P4HA2: variants seen among roughly 807,000 people sequenced by gnomAD.
P4HA2 encodes the protein prolyl 4-hydroxylase subunit alpha 2.
P4HA2 carries 46 observed loss-of-function variants against 76.9 expected under a neutral mutation model. The observed-to-expected ratio is 0.60, with a 90% confidence interval of 0.47 to 0.76. P4HA2 has a LOEUF of 0.76. Among genes scored for constraint, P4HA2 ranks in the 30% least tolerant of loss-of-function variants. The probability of loss-of-function intolerance (pLI) is 0.00; values close to 1 mark genes in which losing one functional copy is unlikely to be tolerated. For synonymous variants in P4HA2, 243 were observed against 254.0 expected, an observed-to-expected ratio of 0.96 and a Z score of 0.41; for missense variants, 583 against 669.4, an observed-to-expected ratio of 0.87 and a Z score of 1.42.
At chr5:132,214,942 G>C (rs899044957) in intron 4 of P4HA2, among the ~76,000 whole-genome samples, 1 of 152,184 alleles carries the variant, frequency 6.6e-6, no homozygotes, top group South Asian at 2.1e-4. Flanking sequence ...TCCCAGGTGG[G>C]AGCCAAGCCT....
At chr5:132,196,576 T>G (rs1324060963) in intron 12 of P4HA2, among the ~76,000 whole-genome samples, 1 of 152,166 alleles carries the variant, frequency 6.6e-6, no homozygotes, top group Non-Finnish European at 1.5e-5. Context: ...TCTCTGATGT[T>G]TAGGCTGGGC....
chr5:132,203,793 C>T lies in P4HA2; in HGVS notation c.1206G>A (p.Met402Ile). The T allele has an allele frequency of 6.2e-7, 1 of 1,613,730 alleles. No individual in the cohort carries two copies. Among genetic ancestry groups the T allele is most frequent in the East Asian group, 2.2e-5 (1 of 44,880 alleles). The change falls in exon 10 of 15, where the codon ATG becomes ATA. Residue 402 changes from methionine to isoleucine, a missense_variant. By Grantham distance (10) the Met-to-Ile change is conservative (BLOSUM62 1). Coordinates refer to ENST00000360568, the MANE Select transcript of P4HA2 (RefSeq NM_001017974.2). ...DPVVARVNRR[M>I]QHITGLTVKT... ...TTACTGTTAACCCTGTGATATGCTG[C>T]ATCCGACGATTTACTCGGGCCACAA...
At chr5:132,211,079 CAG>C in intron 5 of P4HA2, among the ~76,000 whole-genome samples, 1 of 152,246 alleles carries the variant, frequency 6.6e-6, no homozygotes, top group Non-Finnish European at 1.5e-5. Context: ...ATAGGAGAAA[CAG>C]AGGGAGCGGG....
chr5:132,215,221 A>C (rs958176618), intron 4 of P4HA2, among the ~76,000 whole-genome samples: 2 of 152,256 alleles, frequency 1.3e-5, no homozygotes, highest in African/African-American at 4.8e-5. Context: ...TGCTGCCAGG[A>C]AAAGCCACAC....
intron 11 of P4HA2, 117 bp from the exon 12 acceptor site, chr5:132,198,497 G>A: frequency 1.0e-6 from 1 of 959,838 alleles, no homozygotes; most frequent in Non-Finnish European, 1.6e-6. Flanking sequence ...AATCAGCCTG[G>A]AATATGTGCC....
intron 8 of P4HA2, 85 bp from the exon 9 acceptor site, chr5:132,204,237 G>T: frequency 9.5e-7 from 1 of 1,055,700 alleles, no homozygotes; most frequent in Non-Finnish European, 1.5e-6. Context: ...ACTGGGACCA[G>T]ATTTACTGCC....
chr5:132,218,297 A>G (rs1231018246), intron 2 of P4HA2, among the ~76,000 whole-genome samples: 1 of 152,222 alleles, frequency 6.6e-6, no homozygotes, highest in East Asian at 1.9e-4. Context: ...CAAAAAGACC[A>G]GAGAGCCCAA....
rs1323709916 is a variant in P4HA2, at chr5:132,194,979, CCTTCCCCG to C, written c.1470_1477del (p.Ser490ArgfsTer2). ...GGCAGCATGTCTTGTTCGGTAGTCA[CCTTCCCCG>C]CTCCGCAAGAGGTTGTACCAGAACA... On this transcript the variant is annotated frameshift_variant, in exon 14 of 15. Coordinates refer to ENST00000360568, the MANE Select transcript of P4HA2 (RefSeq NM_001017974.2). LOFTEE classifies it high-confidence loss of function. The C allele has an allele frequency of 6.2e-7, 1 of 1,613,772 alleles. No individual in the cohort carries two copies. Among genetic ancestry groups the C allele is most frequent in the African/African-American group, 1.3e-5 (1 of 74,902 alleles).
chr5:132,216,433 G>C (rs1192304384), intron 4 of P4HA2, among the ~76,000 whole-genome samples: 7 of 152,120 alleles, frequency 4.6e-5, no homozygotes. Context: ...AAAAGGTGCT[G>C]ATAATTCAGA....
Position 132,207,828 on chromosome 5 carries a change from T to C in P4HA2, c.960A>G (p.Pro320=). 1.2e-6 allele frequency: 2 copies of C among 1,609,366 alleles called. No individual in the cohort carries two copies. Among genetic ancestry groups the C allele is most frequent in the Non-Finnish European group, 1.7e-6 (2 of 1,177,782 alleles). Residue 320 remains proline (P), a synonymous_variant, in exon 8 of 15, where the codon CCA becomes CCG. Coordinates refer to ENST00000360568, the MANE Select transcript of P4HA2 (RefSeq NM_001017974.2). ...FCRYHHGNRA[P]QLLIAPFKEE... is the part of the protein sequence containing the mutation. ...CTTTGAAGGGGGCAATGAGCAGCTG[T>C]GGGGCCCTGTTGCCATGGTGGTACC...
intron 12 of P4HA2, among the ~76,000 whole-genome samples, chr5:132,196,158 T>G (rs1266581804): frequency 6.6e-6 from 1 of 152,118 alleles, no homozygotes; most frequent in Non-Finnish European, 1.5e-5. Context: ...TTACTTTTTT[T>G]GTCCATAATT....
chr5:132,221,594 A>C (rs933266555), intron 1 of P4HA2, among the ~76,000 whole-genome samples: 14 of 152,218 alleles, frequency 9.2e-5, no homozygotes, highest in African/African-American at 3.1e-4. Context: ...TTTGTAAGGA[A>C]AAATTAATGT....
chr5:132,226,319 C>T (rs1231460549), intron 1 of P4HA2, among the ~76,000 whole-genome samples: 1 of 152,170 alleles, frequency 6.6e-6, no homozygotes, highest in Non-Finnish European at 1.5e-5. Context: ...CCAGCCCTTG[C>T]TCCTAGGACA....
rs201463916 is a variant in P4HA2, at chr5:132,198,896, G to A, written c.1288C>T (p.His430Tyr). ...NYGVGGQYEPHFDFSRRPFDS... is the reference protein window; with the variant it reads ...NYGVGGQYEPYFDFSRRPFDS... ...GGCCTTACCCTAGAGAAGTCGAAGT[G>A]CGGTTCATACTGTCCTCCCACTCCA... The change falls in exon 11 of 15, where the codon CAC becomes TAC. Residue 430 changes from histidine to tyrosine, a missense_variant. Physicochemically the swap from His to Tyr is moderately conservative, Grantham distance 83. Coordinates refer to ENST00000360568, the MANE Select transcript of P4HA2 (RefSeq NM_001017974.2). 6.2e-7 allele frequency: 1 copy of A among 1,612,488 alleles called. No individual in the cohort carries two copies. Among genetic ancestry groups the A allele is most frequent in the Non-Finnish European group, 8.5e-7 (1 of 1,178,500 alleles).
At chr5:132,216,715 T>G (rs535557868) in intron 4 of P4HA2, among the ~76,000 whole-genome samples, 1 of 152,340 alleles carries the variant, frequency 6.6e-6, no homozygotes, top group East Asian at 1.9e-4. Flanking sequence ...TCCAGCCCAC[T>G]TGACACTTGT....
intron 9 of P4HA2, 114 bp downstream of exon 9, chr5:132,203,968 G>C (rs1370812385): frequency 8.9e-7 from 1 of 1,127,086 alleles, no homozygotes; most frequent in East Asian, 2.4e-5. Flanking sequence ...CTGCTGCAAG[G>C]GGGTGAGGAG....
At chr5:132,202,993 G>T (rs1366807898) in intron 10 of P4HA2, 1 of 152,206 alleles carries the variant, frequency 6.6e-6, no homozygotes, top group Admixed American at 6.5e-5. Flanking sequence ...ACACAAGCTG[G>T]AGTCTTCAAC....
At chr5:132,197,453 C>G (rs528315253) in intron 12 of P4HA2, among the ~76,000 whole-genome samples, 1 of 151,944 alleles carries the variant, frequency 6.6e-6, no homozygotes, top group South Asian at 2.1e-4. Context: ...ACTAAAAATA[C>G]AAAAATTAGC....
intron 6 of P4HA2, among the ~76,000 whole-genome samples, chr5:132,209,564 C>T (rs1032998466): frequency 1.3e-5 from 2 of 152,196 alleles, no homozygotes; most frequent in Middle Eastern, 3.4e-3. Context: ...GGGTGGATCA[C>T]GTGAGGTCAC....
Sources: allele counts gnomAD v4.1 joint callset (sites outside exome capture counted in the v4.1 genomes callset), GRCh38; gene constraint gnomAD v4.1.1; transcripts MANE v1.5; gene names NCBI Gene and HGNC (gene_info 2026-07-23, HGNC 2026-07-21).